The following MYO3A variants were observed in gnomAD, a reference collection of about 807,000 sequenced individuals.
The protein encoded by MYO3A is myosin IIIA.
MYO3A carries 180 observed loss-of-function variants against 192.7 expected under a neutral mutation model. The observed-to-expected ratio is 0.93, with a 90% CI of 0.83 to 1.06. MYO3A has a LOEUF of 1.06. MYO3A is among the 50% of genes least tolerant of loss of function. The pLI is 0.00. For missense variants in MYO3A, 1,896 were observed against 1,905.0 expected (o/e 1.00, Z 0.09); for synonymous variants, 628 against 645.3 (o/e 0.97, Z 0.41).
intron 17 of MYO3A, among the ~76,000 whole-genome samples, chr10:26,117,931 A>G (rs752813024): frequency 2.6e-5 from 4 of 152,152 alleles, no homozygotes; most frequent in Admixed American, 1.3e-4. Context: ...GTCTTCAACA[A>G]TGGTTGAACT....
At position 26,174,065 on chromosome 10, in the gene MYO3A, A is replaced by G. The variant is rs760625043; in HGVS notation, c.3801A>G (p.Pro1267=). 1.9e-6 allele frequency: 3 copies of G among 1,614,206 alleles called. No homozygotes were observed. The highest frequency in any genetic ancestry group is 4.5e-5 in the East Asian group (2 of 44,888). The change falls in exon 30 of 35, where the codon CCA becomes CCG. Residue 1267 remains proline, a synonymous_variant. Coordinates refer to ENST00000642920, the MANE Select transcript of MYO3A (RefSeq NM_017433.5). ...AAAGGAAGGCCATATCAGAAAGGCCAAGCTACCCAGTGCCTTGGTTAGCTG... is the reference window on the plus strand; with the variant it reads ...AAAGGAAGGCCATATCAGAAAGGCCGAGCTACCCAGTGCCTTGGTTAGCTG... ...YLERKAISER[P]SYPVPWLAEN...
At chr10:26,088,552 C>A in intron 15 of MYO3A, 147 bp downstream of exon 15, 1 of 779,226 alleles carries the variant, frequency 1.3e-6, no homozygotes, top group Non-Finnish European at 2.1e-6. Flanking sequence ...AGAGATCCAT[C>A]AGCACTGTCT....
At chr10:25,954,811 CTG>C in intron 3 of MYO3A, 61 bp from the exon 4 acceptor site, 1 of 1,507,516 alleles carries the variant, frequency 6.6e-7, no homozygotes, top group Non-Finnish European at 9.2e-7. Context: ...ATTCTATAAT[CTG>C]TTTCTTTGAC....
At chr10:26,077,753 A>G (rs1467407294) in intron 14 of MYO3A, among the ~76,000 whole-genome samples, 1 of 152,074 alleles carries the variant, frequency 6.6e-6, no homozygotes, top group African/African-American at 2.4e-5. Context: ...TATTGAGATG[A>G]TCTTGTGATT....
At chr10:25,981,955 TG>T (rs1439952946) in intron 4 of MYO3A, among the ~76,000 whole-genome samples, 2 of 152,196 alleles carry the variant, frequency 1.3e-5, no homozygotes, top group Non-Finnish European at 1.5e-5. Flanking sequence ...ACTGTGAGTC[TG>T]CTTGCTTTCT....
At chr10:26,122,915 T>C (rs148016409) in intron 18 of MYO3A, among the ~76,000 whole-genome samples, 242 of 152,210 alleles carry the variant, frequency 1.6e-3, no homozygotes, top group African/African-American at 5.7e-3. Flanking sequence ...GGAACAGAAA[T>C]AGACATACAG....
Position 26,170,327 on chromosome 10 carries a change from C to A in MYO3A, c.3275-89C>A. 2.1e-6 allele frequency: 3 copies of A among 1,404,584 alleles called. No homozygotes were observed. The South Asian group carries it at 3.9e-5, about 18-fold the overall frequency. The allele number at this position is 1,404,584 out of a possible 1,614,324, so 87.0% of individuals were successfully genotyped here. A position where few individuals can be genotyped will look rare whatever the true frequency, so the allele number is the denominator to read the frequency against. On this transcript the variant is annotated intron_variant, in intron 28 of 34. Transcript: ENST00000642920. ...TTAATTTTATTTTCCTCTTTGACAT[C>A]AATGGTCAAAGCCACCATTTCTACT...
At chr10:25,934,388 G>A (rs1486998624) in intron 1 of MYO3A, 60 bp downstream of exon 1, 1 of 152,264 alleles carries the variant, frequency 6.6e-6, no homozygotes, top group Non-Finnish European at 1.5e-5. Flanking sequence ...CGGCGCCCGC[G>A]CGGCGCTGGA....
intron 20 of MYO3A, among the ~76,000 whole-genome samples, chr10:26,133,868 AT>A (rs1839697563): frequency 6.6e-6 from 1 of 152,230 alleles, no homozygotes; most frequent in Non-Finnish European, 1.5e-5. Context: ...AGAGCATACT[AT>A]TGACAAACCA....
chr10:26,009,225 T>G, intron 6 of MYO3A, among the ~76,000 whole-genome samples: 2 of 146,924 alleles, frequency 1.4e-5, no homozygotes, highest in African/African-American at 2.6e-5. Flanking sequence ...TGGGGACTGT[T>G]GTGGGGTTGG....
chr10:26,132,267 A>G (rs1589011302), intron 20 of MYO3A, among the ~76,000 whole-genome samples: 1 of 151,964 alleles, frequency 6.6e-6, no homozygotes, highest in African/African-American at 2.4e-5. Context: ...CACCTATCTC[A>G]TATTAGAATC....
At chr10:26,006,256 C>G (rs1313585001) in intron 6 of MYO3A, among the ~76,000 whole-genome samples, 1 of 151,932 alleles carries the variant, frequency 6.6e-6, no homozygotes, top group African/African-American at 2.4e-5. Context: ...ATTTATAGCA[C>G]TAAATGCCCA....
chr10:26,029,267 C>A (rs1842702133), intron 10 of MYO3A, among the ~76,000 whole-genome samples: 3 of 148,236 alleles, frequency 2.0e-5, no homozygotes, highest in Non-Finnish European at 1.5e-5. Context: ...GTTAAAAATT[C>A]AGAATATGCT....
chr10:25,958,926 G>C (rs1837736589), intron 4 of MYO3A, among the ~76,000 whole-genome samples: 1 of 151,868 alleles, frequency 6.6e-6, no homozygotes, highest in Non-Finnish European at 1.5e-5. Context: ...TTCATTTTGT[G>C]GCAATTTTAA....
intron 10 of MYO3A, among the ~76,000 whole-genome samples, chr10:26,047,345 A>T (rs2131263220): frequency 6.6e-6 from 1 of 152,358 alleles, no homozygotes; most frequent in South Asian, 2.1e-4. Flanking sequence ...TATAACCTAA[A>T]GGGTTATCAA....
chr10:26,074,691 G>A (rs1169970235), intron 14 of MYO3A, among the ~76,000 whole-genome samples: 2 of 150,352 alleles, frequency 1.3e-5, no homozygotes, highest in African/African-American at 4.9e-5. Flanking sequence ...TCCACAGGCT[G>A]CCATTTCATT....
At chr10:26,130,866 A>G (rs935880741) in intron 20 of MYO3A, among the ~76,000 whole-genome samples, 1 of 152,244 alleles carries the variant, frequency 6.6e-6, no homozygotes, top group Non-Finnish European at 1.5e-5. Flanking sequence ...GTATGTAGCT[A>G]TCACAGACAA....
At chr10:26,206,308 G>C (rs529872998) in intron 34 of MYO3A, among the ~76,000 whole-genome samples, 1 of 147,516 alleles carries the variant, frequency 6.8e-6, no homozygotes, top group Non-Finnish European at 1.5e-5. Context: ...TGATCCATCC[G>C]CCTCGGCCTC....
chr10:25,997,593 A>G (rs1840532477), intron 6 of MYO3A, among the ~76,000 whole-genome samples: 1 of 152,236 alleles, frequency 6.6e-6, no homozygotes, highest in African/African-American at 2.4e-5. Context: ...GCAAATGGAC[A>G]TATATCCAAA....
Sources: gnomAD v4.1 joint callset for allele counts (sites outside exome capture counted in the v4.1 genomes callset) on GRCh38, gnomAD v4.1.1 for gene constraint, MANE v1.5 for transcripts, NCBI Gene and HGNC (gene_info 2026-07-23, HGNC 2026-07-21) for gene names.